The following CASK variants were observed in gnomAD, a reference collection of about 807,000 sequenced individuals.
CASK encodes calcium/calmodulin dependent serine protein kinase, also known as peripheral plasma membrane protein CASK.
A neutral mutation model predicts 82.9 loss-of-function variants in CASK; 4 were observed. The ratio of observed to expected loss-of-function variants is 0.05; its 90% CI spans 0.02 to 0.11. CASK has a LOEUF of 0.11. CASK is among the 10% of genes least tolerant of loss of function. The pLI is 1.00. For synonymous variants in CASK, 259 were observed against 253.5 expected (o/e 1.02, Z -0.20); for missense variants, 358 against 720.9 (o/e 0.50, Z 5.76).
intron 5 of CASK, among the ~76,000 whole-genome samples, chrX:41,686,096 CTTTT>C (rs980846097): frequency 6.3e-5 from 7 of 110,599 alleles, no homozygotes; most frequent in African/African-American, 2.3e-4. Context: ...CATTTTTTTT[CTTTT>C]TTTATTTGAA....
At chrX:41,705,899 C>T (rs1403256382) in intron 5 of CASK, among the ~76,000 whole-genome samples, 1 of 110,983 alleles carries the variant, frequency 9.0e-6, no homozygotes, top group Non-Finnish European at 1.9e-5. Context: ...GGCACCCCTC[C>T]CCGTGGTCTG....
At chrX:41,739,487 T>C in intron 4 of CASK, 31 bp from the exon 5 acceptor site, 1 of 957,145 alleles carries the variant, frequency 1.0e-6, no homozygotes, top group Non-Finnish European at 1.5e-6. Flanking sequence ...CTAAAAACTG[T>C]AAACAATTTT....
chrX:41,520,505 A>G lies in CASK; in HGVS notation c.2696T>C (p.Ile899Thr), dbSNP rs1401249538. ...CTCCAGATGTCTGATTGTCTCATCA[A>G]TTTCATTGTTGATAATTGTGAGATC... ...YFDLTIINNE[I>T]DETIRHLEEA... is the part of the protein sequence containing the mutation. The change falls in exon 27 of 27, where the codon ATT (isoleucine) becomes ACT (threonine). Residue 899 changes from isoleucine (I) to threonine (T), a missense_variant. Around this residue, in one of 5 missense-constraint regions of CASK, gnomAD observed 118 missense variants for 169.4 expected, o/e 0.70. Transcript: ENST00000378163. The G allele has an allele frequency of 8.3e-7, 1 of 1,205,484 alleles. No individual in the cohort carries two copies. The highest frequency in any genetic ancestry group is 1.8e-5 in the African/African-American group (1 of 56,949).
At chrX:41,570,880 T>C (rs1005228040) in intron 15 of CASK, 3 of 112,050 alleles carry the variant, frequency 2.7e-5, no homozygotes, top group African/African-American at 9.7e-5. Context: ...TAAAGCTGTA[T>C]TCCTGGGTTA....
rs1569280568 is a variant in CASK at position 41,520,269 on chromosome X, T to A, written c.*151A>T. The A allele has an allele frequency of 2.4e-6, 1 of 424,665 alleles. No individual in the cohort carries two copies. Among genetic ancestry groups the A allele is most frequent in the African/African-American group, 2.5e-5 (1 of 40,466 alleles). The allele number at this position is 424,665 out of a possible 1,213,427, so 35.0% of individuals were successfully genotyped here. A position where few individuals can be genotyped will look rare whatever the true frequency, so the allele number is the denominator to read the frequency against. On this transcript the variant is annotated 3_prime_UTR_variant, in exon 27 of 27. Coordinates refer to ENST00000378163, the MANE Select transcript of CASK (RefSeq NM_001367721.1). The stretch of plus-strand genomic sequence containing the variant: ...GTGTGTAATTGTTTTTCTCCTCCTA[T>A]CTATTCGGACATGACAATAATTATA...
At chrX:41,798,573 G>A (rs542752682) in intron 2 of CASK, among the ~76,000 whole-genome samples, 2 of 112,650 alleles carry the variant, frequency 1.8e-5, no homozygotes, top group Non-Finnish European at 3.8e-5. Flanking sequence ...GGTGGCTCAC[G>A]CCTGTAATCC....
chrX:41,907,718 A>G (rs1474967464), intron 1 of CASK, among the ~76,000 whole-genome samples: 4 of 111,706 alleles, frequency 3.6e-5, no homozygotes, highest in Non-Finnish European at 7.5e-5. Context: ...ACAATTTTCC[A>G]GAAGGGATGG....
intron 1 of CASK, among the ~76,000 whole-genome samples, chrX:41,883,882 G>C (rs1247416924): frequency 9.0e-6 from 1 of 111,508 alleles, no homozygotes; most frequent in Admixed American, 9.5e-5. Flanking sequence ...CCCTGTACTA[G>C]TCAGTTCATT....
At chrX:41,753,636 A>T (rs2068835285) in intron 3 of CASK, among the ~76,000 whole-genome samples, 1 of 112,761 alleles carries the variant, frequency 8.9e-6, no homozygotes, top group African/African-American at 3.2e-5. Flanking sequence ...CTATAATCCC[A>T]GCACTTTGGG....
chrX:41,726,788 A>C (rs1474065223), intron 5 of CASK: 1 of 261,206 alleles, frequency 3.8e-6, no homozygotes, highest in Non-Finnish European at 6.7e-6. Context: ...GGCATTATCC[A>C]TCACAATAAG....
At chrX:41,912,300 G>GTTTTTTTT (rs774775542) in intron 1 of CASK, among the ~76,000 whole-genome samples, 34 of 53,164 alleles carry the variant, frequency 6.4e-4, no homozygotes, top group African/African-American at 7.6e-4. Flanking sequence ...TTTGTTTTCT[G>GTTTTTTTT]TTTTTTTTTT....
At chrX:41,665,525 G>A (rs1032266260) in intron 6 of CASK, 73 bp from the exon 7 acceptor site, 54 of 762,477 alleles carry the variant, frequency 7.1e-5, no homozygotes, top group Non-Finnish European at 1.0e-4. Context: ...AAAAATAATA[G>A]AACAATAACA....
chrX:41,625,117 A>C (rs945737876), intron 10 of CASK, among the ~76,000 whole-genome samples: 2 of 110,881 alleles, frequency 1.8e-5, no homozygotes, highest in Non-Finnish European at 3.8e-5. Flanking sequence ...AGAATATTAC[A>C]CTGGTAAGAT....
At chrX:41,793,219 TACATATACACATACATATATATGC>T (rs1448512061) in intron 2 of CASK, among the ~76,000 whole-genome samples, 1 of 111,730 alleles carries the variant, frequency 9.0e-6, no homozygotes, top group Non-Finnish European at 1.9e-5. Context: ...GACATACATG[TACATATACACATACATATATATGC>T]ACATATATCT....
chrX:41,821,879 C>T (rs192533494), intron 2 of CASK, among the ~76,000 whole-genome samples: 18 of 111,910 alleles, frequency 1.6e-4, no homozygotes, highest in Non-Finnish European at 3.2e-4. Context: ...GGTAAAGTCT[C>T]TCAGTCAACA....
chrX:41,628,522 C>G (rs1327464794), intron 9 of CASK, among the ~76,000 whole-genome samples: 2 of 111,496 alleles, frequency 1.8e-5, no homozygotes, highest in African/African-American at 6.5e-5. Context: ...CCAGGCTGGT[C>G]CTGAACTCCT....
rs1355121378 is a variant in CASK at position 41,589,499 on chromosome X, A to C, written c.1233+16T>G. 1 of 1,135,354 alleles carries C rather than the reference A, an allele frequency of 8.8e-7. No individual in the cohort carries two copies. Among genetic ancestry groups the C allele is most frequent in the Non-Finnish European group, 1.2e-6 (1 of 826,540 alleles). The allele number at this position is 1,135,354 out of a possible 1,213,427, so 93.6% of individuals were successfully genotyped here. A position where few individuals can be genotyped will look rare whatever the true frequency, so the allele number is the denominator to read the frequency against. The stretch of plus-strand genomic sequence containing the variant: ...ATATGATGATGCCAAATACTTCTAT[A>C]AAATATATCACTTACCTCTTTGGCT... On this transcript the variant is annotated intron_variant, in intron 13 of 26. Transcript: ENST00000378163.
intron 5 of CASK, among the ~76,000 whole-genome samples, chrX:41,701,130 T>G (rs766152006): frequency 9.1e-6 from 1 of 109,753 alleles, no homozygotes; most frequent in Non-Finnish European, 1.9e-5. Flanking sequence ...AATAGTGCTG[T>G]GCCTATTTAA....
intron 14 of CASK, among the ~76,000 whole-genome samples, chrX:41,581,102 G>C (rs1445051225): frequency 1.6e-4 from 18 of 112,147 alleles, no homozygotes; most frequent in Admixed American, 1.3e-3. Context: ...TTTTAGGCCA[G>C]GTGTGGTAGC....
Sources: gnomAD v4.1 joint callset for allele counts (sites outside exome capture counted in the v4.1 genomes callset) on GRCh38, gnomAD v4.1.1 for gene constraint, gnomAD v4.1.1 regional missense constraint, MANE v1.5 for transcripts, NCBI Gene and HGNC (gene_info 2026-07-23, HGNC 2026-07-21) for gene names.